CCDC178: variants seen among roughly 807,000 people sequenced by gnomAD.
The protein encoded by CCDC178 is coiled-coil domain containing 178.
Under a neutral mutation model 117.4 loss-of-function variants are expected in CCDC178, and 126 were observed. That is an observed-to-expected ratio of 1.07 (90% CI 0.93 to 1.24). The LOEUF is 1.24. Ranked by LOEUF, CCDC178 falls within the 50% of genes most tolerant of loss-of-function variation. The pLI is 0.00. For missense variants in CCDC178, 1,030 were observed against 986.9 expected (o/e 1.04, Z -0.59); for synonymous variants, 283 against 313.4 (o/e 0.90, Z 1.02).
At chr18:33,246,816 G>A (rs988325268) in intron 14 of CCDC178, among the ~76,000 whole-genome samples, 1 of 151,798 alleles carries the variant, frequency 6.6e-6, no homozygotes, top group African/African-American at 2.4e-5. Context: ...GCATTGAGGA[G>A]AACAGATCCT....
intron 20 of CCDC178, among the ~76,000 whole-genome samples, chr18:33,197,970 T>C (rs2058951143): frequency 6.6e-6 from 1 of 152,330 alleles, no homozygotes; most frequent in East Asian, 1.9e-4. Flanking sequence ...GCCTATTTCA[T>C]TTTCTCTCAA....
At chr18:33,334,849 T>A (rs1376919824) in intron 9 of CCDC178, among the ~76,000 whole-genome samples, 2 of 152,076 alleles carry the variant, frequency 1.3e-5, no homozygotes, top group African/African-American at 4.8e-5. Flanking sequence ...AATCATTCCT[T>A]TAATGACTAT....
chr18:33,296,096 A>G (rs543972194), intron 11 of CCDC178, among the ~76,000 whole-genome samples: 24 of 152,300 alleles, frequency 1.6e-4, no homozygotes, highest in Non-Finnish European at 2.8e-4. Flanking sequence ...AATCTCATTC[A>G]GTGATAAAAA....
At chr18:33,415,433 C>G (rs919106169) in intron 2 of CCDC178, among the ~76,000 whole-genome samples, 7 of 151,714 alleles carry the variant, frequency 4.6e-5, no homozygotes, top group Non-Finnish European at 1.0e-4. Flanking sequence ...CCATCAGTCT[C>G]AGCAAACTAT....
At chr18:33,326,144 G>A (rs1453413294) in intron 10 of CCDC178, among the ~76,000 whole-genome samples, 7 of 152,318 alleles carry the variant, frequency 4.6e-5, no homozygotes, top group African/African-American at 1.7e-4. Flanking sequence ...CTGGGGACAG[G>A]TTAGCAGCAA....
chr18:33,413,849 A>C (rs772129998), intron 2 of CCDC178, among the ~76,000 whole-genome samples: 20 of 152,180 alleles, frequency 1.3e-4, no homozygotes, highest in Non-Finnish European at 2.8e-4. Context: ...CTGAGACCCC[A>C]AAAGTCTGTA....
At chr18:33,056,667 A>G (rs759123145) in intron 21 of CCDC178, among the ~76,000 whole-genome samples, 17 of 152,210 alleles carry the variant, frequency 1.1e-4, no homozygotes, top group Non-Finnish European at 1.9e-4. Flanking sequence ...TAGAAGTTGG[A>G]AAATGTAATT....
intron 12 of CCDC178, among the ~76,000 whole-genome samples, chr18:33,279,164 T>C (rs1264312624): frequency 2.0e-5 from 3 of 152,140 alleles, no homozygotes; most frequent in Non-Finnish European, 4.4e-5. Context: ...GAAGTCAAAT[T>C]GTCCCTGTTT....
chr18:33,420,503 A>C (rs1429790796), intron 2 of CCDC178, among the ~76,000 whole-genome samples: 1 of 151,830 alleles, frequency 6.6e-6, no homozygotes, highest in Non-Finnish European at 1.5e-5. Flanking sequence ...ACAGCCATGC[A>C]CCCCAACACT....
intron 20 of CCDC178, among the ~76,000 whole-genome samples, chr18:33,162,441 C>G (rs1397407659): frequency 1.3e-5 from 2 of 151,996 alleles, no homozygotes; most frequent in Non-Finnish European, 2.9e-5. Flanking sequence ...CTTTTTTAAA[C>G]TATTATTTTA....
intron 2 of CCDC178, among the ~76,000 whole-genome samples, chr18:33,418,546 T>A (rs115181307): frequency 6.6e-6 from 1 of 151,828 alleles, no homozygotes; most frequent in Non-Finnish European, 1.5e-5. Flanking sequence ...AGGGCTAAAG[T>A]ATCCTTGTTT....
intron 11 of CCDC178, among the ~76,000 whole-genome samples, chr18:33,320,876 T>G (rs185087260): frequency 1.3e-5 from 2 of 152,340 alleles, no homozygotes; most frequent in African/African-American, 4.8e-5. Context: ...AGCATGGTAC[T>G]GGTACCAAAA....
At chr18:33,207,828 A>C (rs1485578110) in intron 20 of CCDC178, among the ~76,000 whole-genome samples, 1 of 152,070 alleles carries the variant, frequency 6.6e-6, no homozygotes, top group Non-Finnish European at 1.5e-5. Context: ...TACAAATAAG[A>C]GAAGCTTCTT....
intron 18 of CCDC178, among the ~76,000 whole-genome samples, chr18:33,218,015 A>G (rs930489902): frequency 6.6e-6 from 1 of 152,106 alleles, no homozygotes; most frequent in Admixed American, 6.6e-5. Context: ...GTGCACTTAA[A>G]ACAATGCCTG....
intron 20 of CCDC178, among the ~76,000 whole-genome samples, chr18:33,093,399 T>C (rs2057496552): frequency 6.6e-6 from 1 of 151,964 alleles, no homozygotes; most frequent in Non-Finnish European, 1.5e-5. Flanking sequence ...AAAACATAGA[T>C]GAGGAAAGAG....
At chr18:33,111,823 C>T (rs414676) in intron 20 of CCDC178, among the ~76,000 whole-genome samples, 14,500 of 151,534 alleles carry the variant, frequency 0.096, 895 homozygotes, top group African/African-American at 0.17. Flanking sequence ...TGAAAATACA[C>T]GGTAAGCTAT....
At chr18:33,374,798 C>G (rs1231013794) in intron 5 of CCDC178, among the ~76,000 whole-genome samples, 5 of 152,104 alleles carry the variant, frequency 3.3e-5, no homozygotes, top group Non-Finnish European at 7.4e-5. Context: ...TAAAAATGAA[C>G]AAACTACTGA....
intron 20 of CCDC178, among the ~76,000 whole-genome samples, chr18:33,144,439 C>A (rs1487483037): frequency 6.6e-6 from 1 of 152,016 alleles, no homozygotes; most frequent in East Asian, 1.9e-4. Context: ...ATATTAAGTT[C>A]TTTACAAATT....
intron 2 of CCDC178, among the ~76,000 whole-genome samples, chr18:33,412,895 T>C (rs2063878832): frequency 6.6e-6 from 1 of 152,140 alleles, no homozygotes; most frequent in Admixed American, 6.5e-5. Flanking sequence ...CTATGCGTTC[T>C]CCCTGTACTT....
Sources: allele counts gnomAD v4.1 joint callset (sites outside exome capture counted in the v4.1 genomes callset), GRCh38; gene constraint gnomAD v4.1.1; transcripts MANE v1.5; gene names NCBI Gene and HGNC (gene_info 2026-07-23, HGNC 2026-07-21).